Variants in FREM2 observed in about 807,000 individuals in gnomAD.
FREM2 encodes FRAS1-related extracellular matrix protein 2.
In FREM2, 119 loss-of-function variants were observed where a neutral mutation model predicts 219.9. That is an observed-to-expected ratio of 0.54 (90% CI 0.47 to 0.63). The LOEUF (loss-of-function observed/expected upper bound fraction) is 0.63. Ranked by LOEUF, FREM2 falls within the 30% of genes least tolerant of loss-of-function variation. The pLI is 0.00. For missense variants in FREM2, 4,030 were observed against 3,993.6 expected (o/e 1.01, Z -0.25); for synonymous variants, 1,562 against 1,522.8 (o/e 1.03, Z -0.60).
At chr13:38,826,521 G>T (rs1487931164) in intron 6 of FREM2, among the ~76,000 whole-genome samples, 1 of 152,028 alleles carries the variant, frequency 6.6e-6, no homozygotes, top group African/African-American at 2.4e-5. Flanking sequence ...AAATGGAGTC[G>T]CTTTTGCTGT....
intron 2 of FREM2, among the ~76,000 whole-genome samples, chr13:38,760,672 A>G (rs938703499): frequency 6.6e-6 from 1 of 152,208 alleles, no homozygotes; most frequent in Non-Finnish European, 1.5e-5. Context: ...TTATGTTTAC[A>G]TAGAAAATTT....
Position 38,689,676 on chromosome 13 carries a change from C to T in FREM2, c.2332C>T (p.Gln778Ter). The T allele has an allele frequency of 6.2e-7, 1 of 1,614,084 alleles. No individual in the cohort carries two copies. The highest frequency in any genetic ancestry group is 8.5e-7 in the Non-Finnish European group (1 of 1,179,998). The change falls in exon 1 of 24, where the codon CAG (glutamine) becomes TAG (stop). Residue 778 changes from glutamine to a stop codon, truncating the protein, a stop_gained. Transcript: ENST00000280481. LOFTEE classifies it high-confidence loss of function. ...CGTGGTGACCCATTTTACCCAAGCC[C>T]AGATCAACCATCATAAAATTGCTTA... ...SVVVTHFTQA[Q>*]INHHKIAYRP...
chr13:38,818,779 A>G (rs948297888), intron 6 of FREM2, among the ~76,000 whole-genome samples: 5 of 152,098 alleles, frequency 3.3e-5, no homozygotes, highest in East Asian at 1.9e-4. Flanking sequence ...CCTGGCCAAC[A>G]TAGTGAAACC....
chr13:38,763,951 T>G lies in FREM2; in HGVS notation c.5264-353T>G, dbSNP rs1046452092. The stretch of plus-strand genomic sequence containing the variant: ...CAAAGGAGCCTTGCAGCCCTCTGAT[T>G]AGAAAACTTGCTCTCCAGTGGCACC... On this transcript the variant is annotated intron_variant, in intron 2 of 23. Coordinates refer to ENST00000280481, the MANE Select transcript of FREM2 (RefSeq NM_207361.6). Among the ~76,000 whole-genome samples the G allele has an allele frequency of 2.6e-4, 39 of 152,202 alleles. 1 individual carries two copies. The highest frequency in any genetic ancestry group is 1.5e-5 in the Non-Finnish European group (1 of 68,034).
intron 8 of FREM2, 89 bp downstream of exon 8, chr13:38,848,759 ATATT>A (rs1877261250): frequency 8.3e-7 from 1 of 1,210,530 alleles, no homozygotes; most frequent in Non-Finnish European, 1.2e-6. Flanking sequence ...ATGATTATAT[ATATT>A]TGTTTGTTTG....
intron 11 of FREM2, 30 bp downstream of exon 11, chr13:38,851,898 T>C (rs1270229673): frequency 6.3e-7 from 1 of 1,583,842 alleles, no homozygotes; most frequent in South Asian, 1.1e-5. Flanking sequence ...TGTCTCCTGA[T>C]GGATCATGCC....
intron 11 of FREM2, among the ~76,000 whole-genome samples, chr13:38,853,317 GAA>G (rs776640338): frequency 1.2e-3 from 69 of 56,910 alleles, no homozygotes; most frequent in African/African-American, 4.0e-3. Flanking sequence ...AACTCCGTCT[GAA>G]AAAAAAAAAA....
intron 6 of FREM2, among the ~76,000 whole-genome samples, chr13:38,786,567 C>T (rs551298048): frequency 1.3e-5 from 2 of 152,156 alleles, no homozygotes; most frequent in African/African-American, 4.8e-5. Context: ...ATAGCCCATG[C>T]TAAATGCCTA....
At chr13:38,748,671 G>A (rs938319709) in intron 2 of FREM2, among the ~76,000 whole-genome samples, 7 of 152,116 alleles carry the variant, frequency 4.6e-5, no homozygotes, top group African/African-American at 1.7e-4. Context: ...ATTACTGCAG[G>A]TAAGAATGTT....
intron 2 of FREM2, among the ~76,000 whole-genome samples, chr13:38,761,862 C>T (rs895622092): frequency 3.3e-5 from 5 of 152,122 alleles, no homozygotes; most frequent in Admixed American, 6.5e-5. Context: ...TTGGCTTGAC[C>T]TCCAAATGGG....
rs1878407774 is a variant in FREM2 at position 38,878,099 on chromosome 13, A to AT, written c.8672-34dup. The stretch of plus-strand genomic sequence containing the variant: ...GTGTCACGTTGATATACCTTATCAT[A>AT]TAACAGAAATAACATTTCCACATCT... On this transcript the variant is annotated intron_variant, in intron 21 of 23. Transcript: ENST00000280481. 3 of 1,555,528 alleles carry AT rather than the reference A, an allele frequency of 1.9e-6. No individual in the cohort carries two copies. The African/African-American group carries it at 4.1e-5, about 21-fold the overall frequency.
chr13:38,875,300 G>A (rs1342833844), intron 18 of FREM2, among the ~76,000 whole-genome samples: 1 of 151,964 alleles, frequency 6.6e-6, no homozygotes, highest in Non-Finnish European at 1.5e-5. Context: ...AGGGAAAATA[G>A]TTCACTCAAC....
At chr13:38,823,682 A>G (rs1309082224) in intron 6 of FREM2, among the ~76,000 whole-genome samples, 1 of 152,068 alleles carries the variant, frequency 6.6e-6, no homozygotes, top group Non-Finnish European at 1.5e-5. Context: ...TTAAAATAAT[A>G]ATAATAATAA....
intron 6 of FREM2, among the ~76,000 whole-genome samples, chr13:38,809,289 T>C (rs1244850906): frequency 2.0e-5 from 3 of 151,874 alleles, no homozygotes; most frequent in Non-Finnish European, 4.4e-5. Context: ...AGATCCTGAA[T>C]TGTTTTTTAA....
In FREM2 at chr13:38,886,816, A is replaced by G. The variant is rs1013711063; in HGVS notation, c.*6029A>G. The G allele has an allele frequency of 1.3e-5, 2 of 152,310 alleles. No individual in the cohort carries two copies. The highest frequency in any genetic ancestry group is 4.8e-5 in the African/African-American group (2 of 41,570). 9.4% of individuals were successfully genotyped at this position (152,310 alleles called of 1,614,324 possible). ...CCTCCATAACACTAAGTAAATTTAT[A>G]TTTATCTAGCCTCTGAGTGACATAT... On this transcript the variant is annotated 3_prime_UTR_variant, in exon 24 of 24. Transcript: ENST00000280481.
At chr13:38,764,941 C>T (rs1412222702) in intron 3 of FREM2, among the ~76,000 whole-genome samples, 2 of 152,180 alleles carry the variant, frequency 1.3e-5, no homozygotes, top group South Asian at 2.1e-4. Flanking sequence ...GACGGAGGCT[C>T]GCTCTGTTGC....
intron 2 of FREM2, among the ~76,000 whole-genome samples, chr13:38,761,654 T>C (rs1873230047): frequency 6.6e-6 from 1 of 152,088 alleles, no homozygotes; most frequent in African/African-American, 2.4e-5. Context: ...TACAGAGTAA[T>C]CAATAAGAGA....
chr13:38,818,357 CAT>C (rs1875853237), intron 6 of FREM2, among the ~76,000 whole-genome samples: 1 of 152,012 alleles, frequency 6.6e-6, no homozygotes, highest in African/African-American at 2.4e-5. Context: ...AGTCATAAAA[CAT>C]AATGAAATCC....
intron 2 of FREM2, among the ~76,000 whole-genome samples, chr13:38,740,862 T>A (rs1322357417): frequency 6.6e-6 from 1 of 152,234 alleles, no homozygotes; most frequent in African/African-American, 2.4e-5. Context: ...GAATCAGGAC[T>A]TGCTCACTAC....
Sources: gnomAD v4.1 joint callset for allele counts (sites outside exome capture counted in the v4.1 genomes callset) on GRCh38, gnomAD v4.1.1 for gene constraint, MANE v1.5 for transcripts, NCBI Gene and HGNC (gene_info 2026-07-23, HGNC 2026-07-21) for gene names.